PCSK2: variants seen among roughly 807,000 people sequenced by gnomAD.
The protein encoded by PCSK2 is neuroendocrine convertase 2.
PCSK2 carries 14 observed loss-of-function variants against 69.7 expected under a neutral mutation model. That is an observed-to-expected ratio of 0.20 (90% CI 0.13 to 0.31). PCSK2 has a LOEUF of 0.31. Among genes scored for constraint, PCSK2 ranks in the 10% least tolerant of loss-of-function variants. The probability of loss-of-function intolerance (pLI) is 1.00; values close to 1 mark genes in which losing one functional copy is unlikely to be tolerated. For synonymous variants in PCSK2, 307 were observed against 320.7 expected, an observed-to-expected ratio of 0.96 and a Z score of 0.46; for missense variants, 544 against 842.5, an observed-to-expected ratio of 0.65 and a Z score of 4.39.
chr20:17,340,964 G>T (rs923823563), intron 2 of PCSK2, among the ~76,000 whole-genome samples: 1 of 152,122 alleles, frequency 6.6e-6, no homozygotes, highest in African/African-American at 2.4e-5. Flanking sequence ...ATGTTTAAAG[G>T]ATTGGCCGGG....
At chr20:17,234,879 A>G (rs1159607113) in intron 1 of PCSK2, among the ~76,000 whole-genome samples, 1 of 152,196 alleles carries the variant, frequency 6.6e-6, no homozygotes, top group African/African-American at 2.4e-5. Context: ...TTCAGATCCA[A>G]CGTTTCAAAA....
intron 4 of PCSK2, among the ~76,000 whole-genome samples, chr20:17,364,799 G>A (rs1360817333): frequency 1.3e-5 from 2 of 152,212 alleles, no homozygotes; most frequent in Non-Finnish European, 2.9e-5. Flanking sequence ...TGTTGCTCAT[G>A]CAGTTATGAT....
intron 1 of PCSK2, chr20:17,228,341 G>A (rs1171790150): frequency 6.6e-6 from 1 of 152,360 alleles, no homozygotes; most frequent in Non-Finnish European, 1.5e-5. Context: ...ATCTCCTTTG[G>A]AGACTCCAGG....
At chr20:17,341,048 C>T (rs898162648) in intron 2 of PCSK2, among the ~76,000 whole-genome samples, 2 of 151,966 alleles carry the variant, frequency 1.3e-5, no homozygotes, top group Non-Finnish European at 2.9e-5. Flanking sequence ...GTCAGGAGTT[C>T]GAGAGCAGCC....
At chr20:17,267,534 C>T (rs1987666345) in intron 2 of PCSK2, among the ~76,000 whole-genome samples, 1 of 152,182 alleles carries the variant, frequency 6.6e-6, no homozygotes. Flanking sequence ...GGCTTCCCAA[C>T]TCAAAGAGCT....
intron 6 of PCSK2, among the ~76,000 whole-genome samples, chr20:17,423,730 A>G (rs1388824683): frequency 6.6e-6 from 1 of 152,244 alleles, no homozygotes; most frequent in Non-Finnish European, 1.5e-5. Flanking sequence ...AAAAGGCTTA[A>G]TATAGAAAAT....
chr20:17,383,488 A>C (rs2031146308), intron 5 of PCSK2, among the ~76,000 whole-genome samples: 1 of 152,198 alleles, frequency 6.6e-6, no homozygotes. Flanking sequence ...GAACTACAGA[A>C]AGCAGCAGGA....
chr20:17,252,785 G>T (rs1360318459), intron 1 of PCSK2, among the ~76,000 whole-genome samples: 1 of 152,072 alleles, frequency 6.6e-6, no homozygotes, highest in Non-Finnish European at 1.5e-5. Flanking sequence ...ACAGTGCCTG[G>T]CTTATGACAA....
intron 2 of PCSK2, among the ~76,000 whole-genome samples, chr20:17,356,615 A>G (rs1017709354): frequency 9.9e-5 from 15 of 152,082 alleles, no homozygotes; most frequent in African/African-American, 3.1e-4. Flanking sequence ...TCTGGTATCC[A>G]TTAGAGTTCT....
intron 2 of PCSK2, among the ~76,000 whole-genome samples, chr20:17,262,134 T>C (rs1381269196): frequency 6.6e-6 from 1 of 152,210 alleles, no homozygotes; most frequent in Non-Finnish European, 1.5e-5. Context: ...ATGGGACTAA[T>C]TGGGTAATAA....
chr20:17,249,546 A>G (rs1600409314), intron 1 of PCSK2, among the ~76,000 whole-genome samples: 4 of 151,570 alleles, frequency 2.6e-5, no homozygotes, highest in African/African-American at 9.7e-5. Context: ...GCACACAGGT[A>G]CACCTATGTT....
chr20:17,254,465 A>G (rs994815333), intron 1 of PCSK2, among the ~76,000 whole-genome samples: 3 of 152,180 alleles, frequency 2.0e-5, no homozygotes, highest in African/African-American at 7.2e-5. Context: ...ATTCATTCTC[A>G]TTGAATTGTT....
intron 7 of PCSK2, 35 bp downstream of exon 7, chr20:17,429,558 G>C (rs770013116): frequency 7.3e-7 from 1 of 1,361,516 alleles, no homozygotes; most frequent in African/African-American, 1.4e-5. Flanking sequence ...GCCCCCACTA[G>C]GTATCACACT....
At chr20:17,449,503 T>TAC (rs1306515686) in intron 8 of PCSK2, among the ~76,000 whole-genome samples, 1 of 139,150 alleles carries the variant, frequency 7.2e-6, no homozygotes, top group Admixed American at 7.4e-5. Flanking sequence ...TATATATAAA[T>TAC]ATACATATAT....
chr20:17,344,368 C>G (rs972109240), intron 2 of PCSK2, among the ~76,000 whole-genome samples: 1 of 150,344 alleles, frequency 6.7e-6, no homozygotes, highest in African/African-American at 2.4e-5. Flanking sequence ...CATTTTTTTT[C>G]TACCGTCACC....
intron 2 of PCSK2, among the ~76,000 whole-genome samples, chr20:17,325,006 CCAGT>C (rs1257286466): frequency 6.6e-6 from 1 of 152,138 alleles, no homozygotes; most frequent in Non-Finnish European, 1.5e-5. Flanking sequence ...CCTCTTCTGC[CCAGT>C]CAAACTCCTC....
At chr20:17,310,757 C>T (rs1989479032) in intron 2 of PCSK2, among the ~76,000 whole-genome samples, 1 of 150,824 alleles carries the variant, frequency 6.6e-6, no homozygotes, top group African/African-American at 2.4e-5. Flanking sequence ...TTTGGGAGGC[C>T]GAGGCAGGTG....
chr20:17,286,823 G>A (rs1327133918), intron 2 of PCSK2, among the ~76,000 whole-genome samples: 1 of 152,162 alleles, frequency 6.6e-6, no homozygotes, highest in Non-Finnish European at 1.5e-5. Flanking sequence ...CTCACAGTCT[G>A]TATCAGAATC....
chr20:17,321,202 C>A (rs1989857197), intron 2 of PCSK2, among the ~76,000 whole-genome samples: 1 of 152,244 alleles, frequency 6.6e-6, no homozygotes, highest in Non-Finnish European at 1.5e-5. Flanking sequence ...GGATTTCATT[C>A]TGTCCCTGTC....
Sources: allele counts gnomAD v4.1 joint callset (sites outside exome capture counted in the v4.1 genomes callset), GRCh38; gene constraint gnomAD v4.1.1; transcripts MANE v1.5; gene names NCBI Gene and HGNC (gene_info 2026-07-23, HGNC 2026-07-21).